Variants in ARHGAP44 observed in about 807,000 individuals in gnomAD.
The protein encoded by ARHGAP44 is rho GTPase-activating protein 44.
A neutral mutation model predicts 106.8 loss-of-function variants in ARHGAP44; 43 were observed. The observed-to-expected ratio is 0.40, with a 90% confidence interval of 0.32 to 0.52. ARHGAP44 has a LOEUF of 0.52. Ranked by LOEUF, ARHGAP44 falls within the 20% of genes least tolerant of loss-of-function variation. The probability of loss-of-function intolerance (pLI) is 0.48; values close to 1 mark genes in which losing one functional copy is unlikely to be tolerated. For missense variants in ARHGAP44, 866 were observed against 1,050.5 expected (o/e 0.82, Z 2.43); for synonymous variants, 439 against 410.3 (o/e 1.07, Z -0.85).
chr17:12,987,296 G>GGAT (rs2039985579), intron 20 of ARHGAP44: 1 of 675,240 alleles, frequency 1.5e-6, no homozygotes, highest in Non-Finnish European at 2.3e-6. Flanking sequence ...GCCTCAGCAA[G>GGAT]GATGAGTTGA....
chr17:12,809,239 C>T (rs2034367009), intron 1 of ARHGAP44, among the ~76,000 whole-genome samples: 1 of 152,216 alleles, frequency 6.6e-6, no homozygotes, highest in Non-Finnish European at 1.5e-5. Flanking sequence ...TGTTCCAGTT[C>T]TGCCTGTTAC....
chr17:12,908,690 T>C (rs1598036182), intron 3 of ARHGAP44, among the ~76,000 whole-genome samples: 1 of 152,258 alleles, frequency 6.6e-6, no homozygotes, highest in East Asian at 1.9e-4. Flanking sequence ...GTGGCAAATA[T>C]AATTCAGTTC....
In ARHGAP44 at chr17:12,958,493, T is replaced by C. The variant is rs1172653979; in HGVS notation, c.1343-224T>C. On this transcript the variant is annotated intron_variant, in intron 15 of 20. Transcript: ENST00000379672. The surrounding 1 kb of genome is among the most constrained non-coding windows in gnomAD (Gnocchi z 4.1). The stretch of plus-strand genomic sequence containing the variant: ...CCTGTTTTTACAAACTTTTTTTTTT[T>C]TTCACAAATTGACATTGCTTTATTA... Among the ~76,000 whole-genome samples, 1 of 152,220 alleles carries C rather than the reference T, an allele frequency of 6.6e-6. No individual in the cohort carries two copies. Among genetic ancestry groups the C allele is most frequent in the Non-Finnish European group, 1.5e-5 (1 of 68,044 alleles).
intron 19 of ARHGAP44, among the ~76,000 whole-genome samples, chr17:12,981,338 CAG>C (rs2039823657): frequency 6.6e-6 from 1 of 151,790 alleles, no homozygotes; most frequent in African/African-American, 2.4e-5. Context: ...TTCAGCATCT[CAG>C]AGCATTTCTC....
Position 12,818,334 on chromosome 17 carries a change from AG to A in ARHGAP44, c.53+28444del, listed in dbSNP as rs1414549712. 1.3e-3 allele frequency among the ~76,000 whole-genome samples: 186 copies of A among 140,254 alleles called. 1 individual carries two copies. The highest frequency in any genetic ancestry group is 2.1e-3 in the Non-Finnish European group (141 of 66,022). 92.0% of individuals were successfully genotyped at this position (140,254 alleles called of 152,430 possible). Reference sequence around the variant, plus strand: ...TAAACTGGTAAGGTGCATCTGGAAAAGAAAAAAAAAAAAAAAAAACAACCCT... The same window carrying A: ...TAAACTGGTAAGGTGCATCTGGAAAAAAAAAAAAAAAAAAAAAACAACCCT... On this transcript the variant is annotated intron_variant, in intron 1 of 20. Transcript: ENST00000379672.
chr17:12,931,367 C>A (rs148495843), intron 7 of ARHGAP44, among the ~76,000 whole-genome samples: 1 of 152,046 alleles, frequency 6.6e-6, no homozygotes, highest in Non-Finnish European at 1.5e-5. Flanking sequence ...CTACCACGCC[C>A]GGCCTATATG....
At chr17:12,888,074 T>G (rs2036934423) in intron 1 of ARHGAP44, among the ~76,000 whole-genome samples, 1 of 152,072 alleles carries the variant, frequency 6.6e-6, no homozygotes, top group African/African-American at 2.4e-5. Context: ...TTGAGTTTCT[T>G]TAGTTTTTGT....
intron 2 of ARHGAP44, among the ~76,000 whole-genome samples, chr17:12,895,267 AC>A (rs2037170699): frequency 6.6e-6 from 1 of 152,168 alleles, no homozygotes; most frequent in Non-Finnish European, 1.5e-5. Context: ...GTCTTTTACG[AC>A]AGTACTTTGC....
intron 18 of ARHGAP44, among the ~76,000 whole-genome samples, chr17:12,977,843 T>G (rs1280168869): frequency 6.6e-6 from 1 of 151,930 alleles, no homozygotes; most frequent in East Asian, 1.9e-4. Context: ...ATCGAGGCCA[T>G]CCTGGCCAAC....
intron 19 of ARHGAP44, chr17:12,982,687 C>T (rs1191228492): frequency 6.6e-6 from 1 of 152,224 alleles, no homozygotes; most frequent in Admixed American, 6.5e-5. Flanking sequence ...AATTATTACA[C>T]TGCTGCAGAG....
At chr17:12,967,964 C>T (rs2039433598) in intron 16 of ARHGAP44, among the ~76,000 whole-genome samples, 1 of 152,198 alleles carries the variant, frequency 6.6e-6, no homozygotes, top group Admixed American at 6.5e-5. Flanking sequence ...TTACTGAACT[C>T]TGAATGCCTC....
chr17:12,827,055 G>A (rs2034941267), intron 1 of ARHGAP44, among the ~76,000 whole-genome samples: 1 of 151,998 alleles, frequency 6.6e-6, no homozygotes, highest in Non-Finnish European at 1.5e-5. Flanking sequence ...TTTCCTACTG[G>A]ACCTTCAGTA....
Position 12,966,191 on chromosome 17 carries a change from T to G in ARHGAP44, c.1524-7111T>G, listed in dbSNP as rs540134405. Among the ~76,000 whole-genome samples, 32 of 151,812 alleles carry G rather than the reference T, an allele frequency of 2.1e-4. No individual in the cohort carries two copies. The East Asian group carries it at 5.8e-3, about 28-fold the overall frequency. ...AAAAAAATCCTTGAAAGAGATTATG[T>G]CATGGATAAGTGATGCAGTAATTTT... On this transcript the variant is annotated intron_variant, in intron 16 of 20. Coordinates refer to ENST00000379672, the MANE Select transcript of ARHGAP44 (RefSeq NM_014859.6).
chr17:12,901,302 G>A (rs1213839835), intron 3 of ARHGAP44, among the ~76,000 whole-genome samples: 2 of 152,108 alleles, frequency 1.3e-5, no homozygotes, highest in African/African-American at 2.4e-5. Flanking sequence ...GACATGGGGC[G>A]GGACTGCAGA....
intron 1 of ARHGAP44, among the ~76,000 whole-genome samples, chr17:12,867,964 T>A (rs1461200109): frequency 6.6e-6 from 1 of 152,190 alleles, no homozygotes; most frequent in Non-Finnish European, 1.5e-5. Flanking sequence ...TCAACCCTTA[T>A]AACCACAAAG....
intron 1 of ARHGAP44, among the ~76,000 whole-genome samples, chr17:12,881,418 A>ATAAGT (rs2036733502): frequency 6.6e-6 from 1 of 152,074 alleles, no homozygotes; most frequent in Non-Finnish European, 1.5e-5. Flanking sequence ...TACTAATTAA[A>ATAAGT]TAAGTCATGT....
At chr17:12,841,896 A>G (rs2035419937) in intron 1 of ARHGAP44, among the ~76,000 whole-genome samples, 2 of 152,184 alleles carry the variant, frequency 1.3e-5, no homozygotes, top group African/African-American at 4.8e-5. Flanking sequence ...TCAGGCACAT[A>G]TAGTTATGCA....
rs536196007 is a variant in ARHGAP44, at chr17:12,987,209, G to A, written c.2317+2301G>A. On this transcript the variant is annotated intron_variant, in intron 20 of 20. Coordinates refer to ENST00000379672, the MANE Select transcript of ARHGAP44 (RefSeq NM_014859.6). ...CGCTAGCTAGCCAGGCCAGCTGCCC[G>A]CTCCTCCCCTCCGCTCCTCGTCTCT... is the stretch of plus-strand genomic sequence containing the variant. 56 of 1,442,498 alleles carry A rather than the reference G, an allele frequency of 3.9e-5. No homozygotes were observed. In the East Asian group the frequency reaches 4.5e-4, roughly 12 times the overall value. The allele number at this position is 1,442,498 out of a possible 1,614,324, so 89.4% of individuals were successfully genotyped here.
At chr17:12,856,231 G>A (rs1431801486) in intron 1 of ARHGAP44, among the ~76,000 whole-genome samples, 1 of 151,996 alleles carries the variant, frequency 6.6e-6, no homozygotes, top group Non-Finnish European at 1.5e-5. Flanking sequence ...CCCACTAACT[G>A]TCCTCTCCTA....
Sources: gnomAD v4.1 joint callset for allele counts (sites outside exome capture counted in the v4.1 genomes callset) on GRCh38, gnomAD v4.1.1 for gene constraint, Gnocchi (gnomAD v3.1) non-coding constraint, MANE v1.5 for transcripts, NCBI Gene and HGNC (gene_info 2026-07-23, HGNC 2026-07-21) for gene names.